NHS: variants seen among roughly 807,000 people sequenced by gnomAD.
NHS encodes actin remodeling regulator NHS.
In NHS, 5 loss-of-function variants were observed where a neutral mutation model predicts 72.5. The ratio of observed to expected loss-of-function variants is 0.07; its 90% CI spans 0.04 to 0.14. NHS has a LOEUF of 0.14. Among genes scored for constraint, NHS ranks in the 10% least tolerant of loss-of-function variants. NHS has a pLI of 1.00. For synonymous variants in NHS, 464 were observed against 547.7 expected, an observed-to-expected ratio of 0.85 and a Z score of 2.13; for missense variants, 1,072 against 1,355.7, an observed-to-expected ratio of 0.79 and a Z score of 3.29.
chrX:17,663,855 G>T (rs2065994768), intron 1 of NHS, among the ~76,000 whole-genome samples: 1 of 111,633 alleles, frequency 9.0e-6, no homozygotes, highest in Non-Finnish European at 1.9e-5. Context: ...TAGTTGTTCT[G>T]CATCCTCATC....
intron 1 of NHS, chrX:17,687,372 T>G (rs1175670946): frequency 4.2e-6 from 1 of 240,590 alleles, no homozygotes; most frequent in Non-Finnish European, 7.7e-6. Flanking sequence ...CTCTGAGGCT[T>G]TCCTCCACAT....
At chrX:17,570,479 T>C (rs1443029774) in intron 1 of NHS, among the ~76,000 whole-genome samples, 1 of 111,897 alleles carries the variant, frequency 8.9e-6, no homozygotes, top group Non-Finnish European at 1.9e-5. Context: ...TTGTCTGTTA[T>C]TGGTGTATAG....
At chrX:17,482,696 A>G (rs2064951062) in intron 1 of NHS, among the ~76,000 whole-genome samples, 1 of 112,110 alleles carries the variant, frequency 8.9e-6, no homozygotes, top group African/African-American at 3.2e-5. Context: ...CGGTGCTGTC[A>G]TGGATTGGAG....
chrX:17,426,893 T>A (rs1242327548), intron 1 of NHS, among the ~76,000 whole-genome samples: 1 of 111,769 alleles, frequency 8.9e-6, no homozygotes, highest in Non-Finnish European at 1.9e-5. Context: ...AGAGTGCCTG[T>A]TTTGCAAGGG....
intron 1 of NHS, among the ~76,000 whole-genome samples, chrX:17,479,430 T>C (rs1671460490): frequency 8.9e-6 from 1 of 112,438 alleles, no homozygotes; most frequent in Non-Finnish European, 1.9e-5. Flanking sequence ...GTAATGGTGT[T>C]GCTGGGTCAA....
Position 17,731,949 on chromosome X carries a change from G to T in NHS, c.4441G>T (p.Ala1481Ser). The T allele has an allele frequency of 8.3e-7, 1 of 1,211,349 alleles. No homozygotes were observed. Among genetic ancestry groups the T allele is most frequent in the Non-Finnish European group, 1.1e-6 (1 of 895,402 alleles). ...RAPLSSSSSSASSITSPSSNV... is the reference protein window; with the variant it reads ...RAPLSSSSSSSSSITSPSSNV... ...TCCCCTCAGCAGTAGCAGCAGCAGC[G>T]CCAGTTCCATCACTTCACCCAGCAG... The change falls in exon 9 of 9, where the codon GCC (alanine) becomes TCC (serine). Residue 1481 changes from alanine (A) to serine (S), a missense_variant. Transcript: ENST00000676302.
chrX:17,505,784 G>A (rs569348606), intron 1 of NHS, among the ~76,000 whole-genome samples: 1 of 110,779 alleles, frequency 9.0e-6, no homozygotes, highest in East Asian at 2.8e-4. Context: ...TCTCCAGCAG[G>A]GGTGAGGGTG....
intron 1 of NHS, among the ~76,000 whole-genome samples, chrX:17,625,804 AAAATC>A (rs1484668577): frequency 8.9e-6 from 1 of 112,178 alleles, no homozygotes; most frequent in Non-Finnish European, 1.9e-5. Flanking sequence ...TATAATCATA[AAAATC>A]AAATCAATAT....
At chrX:17,478,787 A>C (rs1219735068) in intron 1 of NHS, among the ~76,000 whole-genome samples, 1 of 112,331 alleles carries the variant, frequency 8.9e-6, no homozygotes, top group African/African-American at 3.2e-5. Flanking sequence ...AATGTTCTGC[A>C]TCTGCACTGT....
rs1448728764 is a variant in NHS at position 17,719,354 on chromosome X, C to A, written c.863C>A (p.Thr288Asn). Reference sequence around the variant, plus strand: ...ATTTCATGTTCATAGTTTAACAGCACCCGTTCGCCCTCCCCCACTGAATGT... The same window carrying A: ...ATTTCATGTTCATAGTTTAACAGCAACCGTTCGCCCTCCCCCACTGAATGT... Reference protein sequence around the residue: ...KDRHFLTFNSTRSPSPTECCH... With the variant: ...KDRHFLTFNSNRSPSPTECCH... The change falls in exon 4 of 9, where the codon ACC becomes AAC. Residue 288 changes from threonine (T) to asparagine (N), a missense_variant. Transcript: ENST00000676302. 1 of 1,166,619 alleles carries A rather than the reference C, an allele frequency of 8.6e-7. No homozygotes were observed. The highest frequency in any genetic ancestry group is 1.9e-5 in the South Asian group (1 of 52,652).
intron 1 of NHS, among the ~76,000 whole-genome samples, chrX:17,481,333 T>G (rs2064945302): frequency 8.9e-6 from 1 of 112,154 alleles, no homozygotes; most frequent in Admixed American, 9.5e-5. Flanking sequence ...GCTTCTGACA[T>G]GACTTTTTTT....
chrX:17,712,318 T>C (rs2066338418), intron 3 of NHS, among the ~76,000 whole-genome samples: 1 of 88,672 alleles, frequency 1.1e-5, no homozygotes, highest in South Asian at 5.9e-4. Context: ...CACATATATA[T>C]ATGTAAGGTC....
chrX:17,535,744 A>AT (rs1160494280), intron 1 of NHS, among the ~76,000 whole-genome samples: 1 of 110,754 alleles, frequency 9.0e-6, no homozygotes, highest in South Asian at 3.9e-4. Flanking sequence ...ACACTCGGCT[A>AT]TTTTTTAAAA....
At chrX:17,712,280 TATATATATATACAC>T (rs1223485776) in intron 3 of NHS, among the ~76,000 whole-genome samples, 2 of 81,572 alleles carry the variant, frequency 2.5e-5, no homozygotes, top group African/African-American at 8.9e-5. Context: ...TATATATATA[TATATATATATACAC>T]ACACACACAC....
At chrX:17,525,282 A>G (rs1205075916) in intron 1 of NHS, among the ~76,000 whole-genome samples, 1 of 112,258 alleles carries the variant, frequency 8.9e-6, no homozygotes, top group Non-Finnish European at 1.9e-5. Context: ...CAGAAACCTG[A>G]TCATGATGAT....
intron 1 of NHS, among the ~76,000 whole-genome samples, chrX:17,495,394 A>C (rs897173242): frequency 8.9e-6 from 1 of 112,385 alleles, no homozygotes; most frequent in African/African-American, 3.2e-5. Flanking sequence ...TAAAAATGTT[A>C]CTCATAGACC....
intron 1 of NHS, among the ~76,000 whole-genome samples, chrX:17,504,678 C>T (rs1278391501): frequency 8.9e-6 from 1 of 112,088 alleles, no homozygotes; most frequent in Non-Finnish European, 1.9e-5. Flanking sequence ...GGACTGGCAG[C>T]TAACAGAACA....
At position 17,376,170 on chromosome X, in the gene NHS, A is replaced by T; in HGVS notation, c.413A>T (p.Gln138Leu). The T allele has an allele frequency of 1.7e-6, 2 of 1,191,749 alleles. No individual in the cohort carries two copies. The highest frequency in any genetic ancestry group is 2.2e-6 in the Non-Finnish European group (2 of 891,565). ...SNAALARVLR[Q>L]LSDVARHACS... is the part of the protein sequence containing the mutation. ...GCCGCTCTGGCCCGTGTCCTCCGGCAGCTCTCGGACGTGGCCCGGCACGCT... is the reference window on the plus strand; with the variant it reads ...GCCGCTCTGGCCCGTGTCCTCCGGCTGCTCTCGGACGTGGCCCGGCACGCT... Residue 138 changes from glutamine (Q) to leucine (L), a missense_variant, in exon 1 of 9, where the codon CAG (glutamine) becomes CTG (leucine). Coordinates refer to ENST00000676302, the MANE Select transcript of NHS (RefSeq NM_001291867.2).
At chrX:17,554,356 G>A (rs1280179809) in intron 1 of NHS, among the ~76,000 whole-genome samples, 2 of 112,105 alleles carry the variant, frequency 1.8e-5, no homozygotes, top group Admixed American at 9.4e-5. Context: ...TCAGAACACT[G>A]TGCAGAGACC....
Sources: allele counts gnomAD v4.1 joint callset (sites outside exome capture counted in the v4.1 genomes callset), GRCh38; gene constraint gnomAD v4.1.1; transcripts MANE v1.5; gene names NCBI Gene and HGNC (gene_info 2026-07-23, HGNC 2026-07-21).